Variants in NF1 observed in about 807,000 individuals in gnomAD.
NF1 encodes neurofibromin.
A neutral mutation model predicts 325.7 loss-of-function variants in NF1; 122 were observed. The observed-to-expected ratio is 0.37, with a 90% CI of 0.32 to 0.44. The LOEUF (loss-of-function observed/expected upper bound fraction) is 0.44, where lower values mean the gene tolerates loss of function less well. Among genes scored for constraint, NF1 ranks in the 20% least tolerant of loss-of-function variants. The pLI is 1.00. For synonymous variants in NF1, 1,091 were observed against 1,186.0 expected (o/e 0.92, Z 1.65); for missense variants, 2,140 against 3,415.4 (o/e 0.63, Z 9.31).
At chr17:31,110,082 C>G (rs1182149245) in intron 1 of NF1, among the ~76,000 whole-genome samples, 1 of 152,066 alleles carries the variant, frequency 6.6e-6, no homozygotes, top group African/African-American at 2.4e-5. Context: ...CGTGTGATTT[C>G]TAGAGGTCCC....
rs535302876 is a variant in NF1, at chr17:31,125,171, T to C, written c.60+29802T>C. Among the ~76,000 whole-genome samples, 17 of 152,270 alleles carry C rather than the reference T, an allele frequency of 1.1e-4. No homozygotes were observed. The East Asian group carries it at 3.3e-3, about 29-fold the overall frequency. Reference sequence around the variant, plus strand: ...TGAACAATGTATTGCTTTGTTTACTTATTTTGATTTTCATGTAATGGAATA... The same window carrying C: ...TGAACAATGTATTGCTTTGTTTACTCATTTTGATTTTCATGTAATGGAATA... On this transcript the variant is annotated intron_variant, in intron 1 of 57. Transcript: ENST00000358273.
rs876658190 is a variant in NF1 at position 31,226,487 on chromosome 17, C to G, written c.2054C>G (p.Thr685Ser). 1.9e-6 allele frequency: 3 copies of G among 1,613,778 alleles called. No homozygotes were observed. The highest frequency in any genetic ancestry group is 2.5e-6 in the Non-Finnish European group (3 of 1,179,830). Residue 685 changes from threonine to serine, a missense_variant, in exon 18 of 58, where the codon ACC becomes AGC. By Grantham distance (58) the Thr-to-Ser change is moderately conservative. Around this residue, in one of 10 missense-constraint regions of NF1, gnomAD observed 380 missense variants for 639.3 expected, o/e 0.59. Coordinates refer to ENST00000358273, the MANE Select transcript of NF1 (RefSeq NM_001042492.3). The stretch of plus-strand genomic sequence containing the variant: ...CCCCCGATTTGCCGACAAGCCCAGA[C>G]CAAACTAGAAGTGGCCCTGTACATG... ...GTPPICRQAQ[T>S]KLEVALYMFL... is the part of the protein sequence containing the mutation.
chr17:31,187,025 T>C (rs2066252347), intron 8 of NF1, among the ~76,000 whole-genome samples: 1 of 152,198 alleles, frequency 6.6e-6, no homozygotes, highest in African/African-American at 2.4e-5. Context: ...CACTTACTCC[T>C]GATATGGGTT....
rs562586022 is a variant in NF1, at chr17:31,180,190, C to T, written c.587-1232C>T. ...AGAGGAGGAGCTGGTACCATTCCTT[C>T]TGAAACTATTTCAAACAATAGAAAA... On this transcript the variant is annotated intron_variant, in intron 5 of 57. Coordinates refer to ENST00000358273, the MANE Select transcript of NF1 (RefSeq NM_001042492.3). Among the ~76,000 whole-genome samples, 9 of 152,312 alleles carry T rather than the reference C, an allele frequency of 5.9e-5. 1 individual carries two copies. Among genetic ancestry groups the T allele is most frequent in the African/African-American group, 1.9e-4 (8 of 41,564 alleles).
chr17:31,310,465 CA>C (rs2068841450), intron 36 of NF1, among the ~76,000 whole-genome samples: 1 of 152,090 alleles, frequency 6.6e-6, no homozygotes, highest in African/African-American at 2.4e-5. Flanking sequence ...ATGAAAGAAG[CA>C]ACGGCAAAAT....
At chr17:31,361,528 A>G (rs968235916) in intron 57 of NF1, 3 of 152,206 alleles carry the variant, frequency 2.0e-5, no homozygotes, top group African/African-American at 7.2e-5. Context: ...TGTGTTTTCT[A>G]TTTAGAAAGA....
In NF1 at chr17:31,296,134, G is replaced by C. The variant is rs904695547; in HGVS notation, c.4836-29686G>C. 1.9e-6 allele frequency: 3 copies of C among 1,610,574 alleles called. No individual in the cohort carries two copies. The African/African-American group carries it at 4.0e-5, about 22-fold the overall frequency. On this transcript the variant is annotated intron_variant, in intron 36 of 57. Transcript: ENST00000358273. ...TTAACTGGTTATGCAGATCAGTAAA[G>C]TGGTTATAAGACAGGTTTAAATGTA...
chr17:31,152,080 T>A (rs1043686510), intron 1 of NF1, among the ~76,000 whole-genome samples: 1 of 151,212 alleles, frequency 6.6e-6, no homozygotes, highest in Non-Finnish European at 1.5e-5. Flanking sequence ...CCCCTTCCTG[T>A]GTGGTTTATG....
chr17:31,358,802 G>A, intron 55 of NF1, 167 bp from the exon 56 acceptor site: 1 of 1,052,196 alleles, frequency 9.5e-7, no homozygotes. Flanking sequence ...AACTTTTTAT[G>A]CTGAGTATAT....
At chr17:31,301,763 T>C (rs1191187216) in intron 36 of NF1, among the ~76,000 whole-genome samples, 2 of 152,174 alleles carry the variant, frequency 1.3e-5, no homozygotes, top group African/African-American at 4.8e-5. Flanking sequence ...TCTCAGTAGT[T>C]AACAAACAAA....
At chr17:31,362,633 C>T (rs1248787812) in intron 57 of NF1, among the ~76,000 whole-genome samples, 1 of 152,066 alleles carries the variant, frequency 6.6e-6, no homozygotes, top group Non-Finnish European at 1.5e-5. Context: ...TTCTGTTGGA[C>T]TATTTTCTGG....
intron 12 of NF1, among the ~76,000 whole-genome samples, chr17:31,207,044 A>G (rs1274927449): frequency 1.3e-5 from 2 of 152,166 alleles, no homozygotes; most frequent in South Asian, 4.1e-4. Context: ...TTTGGTGTTT[A>G]TGTATAGCAA....
chr17:31,356,722 A>G (rs956802606), intron 52 of NF1, 140 bp downstream of exon 52: 5 of 1,250,992 alleles, frequency 4.0e-6, no homozygotes, highest in Non-Finnish European at 4.5e-6. Context: ...GATAAACTCT[A>G]CCATTCAAGA....
rs369338417 is a variant in NF1 at position 31,318,824 on chromosome 17, T to C, written c.4836-6996T>C. ...CCTTTATAATCTACTTCAGGAGTTA[T>C]AGGGTTTGTGTTAATGTTTTCATTT... On this transcript the variant is annotated intron_variant, in intron 36 of 57. Coordinates refer to ENST00000358273, the MANE Select transcript of NF1 (RefSeq NM_001042492.3). 52 of 1,613,880 alleles carry C rather than the reference T, an allele frequency of 3.2e-5. No homozygotes were observed. In the South Asian group the frequency reaches 3.6e-4, roughly 11 times the overall value.
At position 31,343,097 on chromosome 17, in the gene NF1, CTAACTT is replaced by C. The variant is rs864622639; in HGVS notation, c.7159_7164del (p.Asn2387_Phe2388del). 3 of 1,613,828 alleles carry C rather than the reference CTAACTT, an allele frequency of 1.9e-6. No individual in the cohort carries two copies. Among genetic ancestry groups the C allele is most frequent in the Non-Finnish European group, 2.5e-6 (3 of 1,179,884 alleles). ...CATTTTGTTGGACTCAATTTCAACT[CTAACTT>C]TAACTTTGCATTGGTTGGACACCTT... On this transcript the variant is annotated inframe_deletion, in exon 48 of 58. Coordinates refer to ENST00000358273, the MANE Select transcript of NF1 (RefSeq NM_001042492.3).
chr17:31,274,416 T>C (rs1310791281), intron 36 of NF1, among the ~76,000 whole-genome samples: 1 of 152,152 alleles, frequency 6.6e-6, no homozygotes, highest in Non-Finnish European at 1.5e-5. Context: ...AATTGCAACA[T>C]AAATGGCAGA....
At chr17:31,335,296 A>ATATATATATATAT (rs1440930498) in intron 40 of NF1, among the ~76,000 whole-genome samples, 4 of 50,052 alleles carry the variant, frequency 8.0e-5, no homozygotes, top group Admixed American at 5.0e-4. Context: ...ATATATATAT[A>ATATATATATATAT]ATTATGCCTT....
intron 36 of NF1, among the ~76,000 whole-genome samples, chr17:31,325,543 A>G (rs2069319282): frequency 1.3e-5 from 2 of 152,210 alleles, no homozygotes; most frequent in South Asian, 2.1e-4. Context: ...CAGGCAACCA[A>G]CTAATTCCCA....
chr17:31,183,201 A>G (rs867410204), intron 8 of NF1: 48 of 225,372 alleles, frequency 2.1e-4, no homozygotes, highest in Middle Eastern at 1.5e-3. Flanking sequence ...ATTTTTTTAA[A>G]TATCACCTAG....
Sources: gnomAD v4.1 joint callset for allele counts (sites outside exome capture counted in the v4.1 genomes callset) on GRCh38, gnomAD v4.1.1 for gene constraint, gnomAD v4.1.1 regional missense constraint, MANE v1.5 for transcripts, NCBI Gene and HGNC (gene_info 2026-07-23, HGNC 2026-07-21) for gene names.